The following KCNQ2 variants were observed in gnomAD, a reference collection of about 807,000 sequenced individuals.
KCNQ2 encodes the protein potassium voltage-gated channel subfamily KQT member 2.
In KCNQ2, 14 loss-of-function variants were observed where a neutral mutation model predicts 84.8. That is an observed-to-expected ratio of 0.17 (90% CI 0.11 to 0.26). The LOEUF (loss-of-function observed/expected upper bound fraction) is 0.26. Among genes scored for constraint, KCNQ2 ranks in the 10% least tolerant of loss-of-function variants. KCNQ2 has a pLI of 1.00. For synonymous variants in KCNQ2, 599 were observed against 554.1 expected (o/e 1.08, Z -1.14); for missense variants, 788 against 1,254.0 (o/e 0.63, Z 5.61).
At chr20:63,461,245 G>GC (rs1033999835) in intron 1 of KCNQ2, among the ~76,000 whole-genome samples, 51 of 152,160 alleles carry the variant, frequency 3.4e-4, no homozygotes, top group African/African-American at 1.2e-3. Flanking sequence ...TCAGGCCAAG[G>GC]CCCCCCCAAC....
Position 63,438,554 on chromosome 20 carries a change from G to A in KCNQ2, c.1023+71C>T, listed in dbSNP as rs993700488. 1.5e-5 allele frequency: 19 copies of A among 1,288,650 alleles called. No homozygotes were observed. Among genetic ancestry groups the A allele is most frequent in the Middle Eastern group, 2.0e-4 (1 of 5,124 alleles). 79.8% of individuals were successfully genotyped at this position (1,288,650 alleles called of 1,614,324 possible). ...GACAGGGCAATGCCAAAGCCCCAGC[G>A]GCCTCCACTCCTCAACAAGGTGGGA... is the stretch of plus-strand genomic sequence containing the variant. On this transcript the variant is annotated intron_variant, in intron 7 of 16. Transcript: ENST00000359125. The surrounding 1 kb of genome is among the most constrained non-coding windows in gnomAD (Gnocchi z 5.1).
chr20:63,407,433 C>A lies in KCNQ2; in HGVS notation c.1888-58G>T. 6.3e-7 allele frequency: 1 copy of A among 1,576,668 alleles called. No homozygotes were observed. Among genetic ancestry groups the A allele is most frequent in the Non-Finnish European group, 8.6e-7 (1 of 1,165,776 alleles). ...GGCCCGTCCCAGGAGATGTGGGGAC[C>A]CAGGCTGCTCCCAGGAAATGGGGGG... On this transcript the variant is annotated intron_variant, in intron 16 of 16. Coordinates refer to ENST00000359125, the MANE Select transcript of KCNQ2 (RefSeq NM_172107.4). The surrounding 1 kb of genome is among the most constrained non-coding windows in gnomAD (Gnocchi z 7.2).
intron 15 of KCNQ2, among the ~76,000 whole-genome samples, chr20:63,409,611 G>A (rs1173560849): frequency 6.6e-6 from 1 of 152,238 alleles, no homozygotes; most frequent in Non-Finnish European, 1.5e-5. Context: ...GGCTGAGCAG[G>A]ACCCACCCAG....
At position 63,409,307 on chromosome 20, in the gene KCNQ2, G is replaced by C. The variant is rs192056309; in HGVS notation, c.1764-771C>G. Among the ~76,000 whole-genome samples the C allele has an allele frequency of 8.3e-3, 1,272 of 152,366 alleles. 40 individuals carry two copies. Among genetic ancestry groups the C allele is most frequent in the Admixed American group, 0.07 (1,066 of 15,310 alleles). On this transcript the variant is annotated intron_variant, in intron 15 of 16. Coordinates refer to ENST00000359125, the MANE Select transcript of KCNQ2 (RefSeq NM_172107.4). ...TGTTCATGTGTGCAAGAGTGTGCAC[G>C]TTTGCGTGTGTGCATGTGTGTGTGT...
chr20:63,459,566 G>C (rs1287392126), intron 1 of KCNQ2: 1 of 152,148 alleles, frequency 6.6e-6, no homozygotes. Context: ...ACAGGCAGGA[G>C]ACCGGCAACT....
intron 1 of KCNQ2, among the ~76,000 whole-genome samples, chr20:63,454,091 C>T (rs926815987): frequency 1.5e-4 from 23 of 152,204 alleles, no homozygotes; most frequent in African/African-American, 4.8e-5. Flanking sequence ...CAGCCGGATG[C>T]GGCCGAGATC....
chr20:63,426,011 G>A (rs890584593), intron 10 of KCNQ2, among the ~76,000 whole-genome samples: 21 of 152,298 alleles, frequency 1.4e-4, no homozygotes, highest in South Asian at 1.2e-3. Context: ...GACGCTCCTC[G>A]GGGGCTCTCA....
At position 63,456,615 on chromosome 20, in the gene KCNQ2, G is replaced by C. The variant is rs556563105; in HGVS notation, c.297-9778C>G. Among the ~76,000 whole-genome samples the C allele has an allele frequency of 1.6e-4, 25 of 152,242 alleles. No homozygotes were observed. The East Asian group carries it at 4.8e-3, about 29-fold the overall frequency. ...CATCAAGACCCCACTCCCACTCCAC[G>C]GGCTAAGCTTCTCAGCACACCCATG... On this transcript the variant is annotated intron_variant, in intron 1 of 16. Coordinates refer to ENST00000359125, the MANE Select transcript of KCNQ2 (RefSeq NM_172107.4).
Position 63,446,242 on chromosome 20 carries a change from T to C in KCNQ2, c.387+505A>G, listed in dbSNP as rs2081422579. 4.0e-6 allele frequency: 1 copy of C among 253,004 alleles called. No homozygotes were observed. The highest frequency in any genetic ancestry group is 4.5e-5 in the South Asian group (1 of 22,166). The allele number at this position is 253,004 out of a possible 1,614,324, so 15.7% of individuals were successfully genotyped here. On this transcript the variant is annotated intron_variant, in intron 2 of 16. Transcript: ENST00000359125. The surrounding 1 kb of genome is among the most constrained non-coding windows in gnomAD (Gnocchi z 5.5). The stretch of plus-strand genomic sequence containing the variant: ...CAGAACAGAGGAGCAGGGCGGGCAG[T>C]AGAGGGAGGTGCATTTGGATGGGGA...
At position 63,446,674 on chromosome 20, in the gene KCNQ2, C is replaced by A; in HGVS notation, c.387+73G>T. 3 of 1,285,176 alleles carry A rather than the reference C, an allele frequency of 2.3e-6. No homozygotes were observed. In the East Asian group the frequency reaches 6.9e-5, roughly 30 times the overall value. 79.6% of individuals were successfully genotyped at this position (1,285,176 alleles called of 1,614,324 possible). ...GTCAGAGGCCCTGTAGTAACAGGAA[C>A]GGAAGACAGACGCCCAGGCAGCTCC... On this transcript the variant is annotated intron_variant, in intron 2 of 16. Coordinates refer to ENST00000359125, the MANE Select transcript of KCNQ2 (RefSeq NM_172107.4). The surrounding 1 kb of genome is among the most constrained non-coding windows in gnomAD (Gnocchi z 5.5).
intron 12 of KCNQ2, among the ~76,000 whole-genome samples, chr20:63,417,711 G>A (rs907141908): frequency 6.6e-6 from 1 of 152,256 alleles, no homozygotes; most frequent in African/African-American, 2.4e-5. Context: ...TGCAGGAAGG[G>A]AGTGGCGTGG....
intron 15 of KCNQ2, among the ~76,000 whole-genome samples, chr20:63,411,439 T>A (rs951528057): frequency 3.9e-5 from 6 of 152,150 alleles, no homozygotes; most frequent in African/African-American, 1.2e-4. Context: ...GGGATGTCTG[T>A]GCAGGTCTGA....
intron 15 of KCNQ2, 137 bp downstream of exon 15, chr20:63,413,313 C>G (rs1217509575): frequency 2.2e-6 from 2 of 922,792 alleles, no homozygotes; most frequent in Admixed American, 4.7e-5. Context: ...ACAACAGAAG[C>G]TGACAGAGGC....
At chr20:63,436,302 C>T (rs889546535) in intron 7 of KCNQ2, among the ~76,000 whole-genome samples, 4 of 152,132 alleles carry the variant, frequency 2.6e-5, no homozygotes, top group Non-Finnish European at 4.4e-5. Context: ...GAGGCCAAGG[C>T]GGGAGGATCA....
chr20:63,470,854 G>A (rs2082198640), intron 1 of KCNQ2: 1 of 152,172 alleles, frequency 6.6e-6, no homozygotes, highest in Non-Finnish European at 1.5e-5. Flanking sequence ...GACTGGAAAA[G>A]CTAGACTCAC....
intron 10 of KCNQ2, chr20:63,424,572 G>A: frequency 3.5e-6 from 1 of 284,280 alleles, no homozygotes; most frequent in Non-Finnish European, 6.6e-6. Context: ...GCTCTGGAAG[G>A]GAGTTTAATT....
chr20:63,455,864 A>C (rs1209536910), intron 1 of KCNQ2, among the ~76,000 whole-genome samples: 1 of 82,852 alleles, frequency 1.2e-5, no homozygotes. Flanking sequence ...CCCTCTGCTC[A>C]CGGGCCCCCC....
chr20:63,409,066 C>T (rs1292273743), intron 15 of KCNQ2, among the ~76,000 whole-genome samples: 2 of 152,224 alleles, frequency 1.3e-5, no homozygotes, highest in South Asian at 2.1e-4. Context: ...TAAATGTCTG[C>T]GGCGGGGACA....
intron 4 of KCNQ2, among the ~76,000 whole-genome samples, chr20:63,443,213 C>A (rs1454257243): frequency 8.4e-6 from 1 of 119,338 alleles, no homozygotes; most frequent in Non-Finnish European, 1.8e-5. Flanking sequence ...TCACCACCAC[C>A]ACCATGATCA....
Sources: gnomAD v4.1 joint callset for allele counts (sites outside exome capture counted in the v4.1 genomes callset) on GRCh38, gnomAD v4.1.1 for gene constraint, Gnocchi (gnomAD v3.1) non-coding constraint, MANE v1.5 for transcripts, NCBI Gene and HGNC (gene_info 2026-07-23, HGNC 2026-07-21) for gene names.